SLC9A1: variants seen among roughly 807,000 people sequenced by gnomAD.
SLC9A1 encodes sodium/hydrogen exchanger 1.
Under a neutral mutation model 67.9 loss-of-function variants are expected in SLC9A1, and 22 were observed. The observed-to-expected ratio is 0.32, with a 90% confidence interval of 0.23 to 0.46. The LOEUF is 0.46. SLC9A1 is among the 20% of genes least tolerant of loss of function. The pLI is 1.00. For synonymous variants in SLC9A1, 421 were observed against 471.8 expected (o/e 0.89, Z 1.40); for missense variants, 686 against 1,094.8 (o/e 0.63, Z 5.27).
At position 27,154,473 on chromosome 1, in the gene SLC9A1, T is replaced by C. The variant is rs1202208453; in HGVS notation, c.-139A>G. On this transcript the variant is annotated 5_prime_UTR_variant, in exon 1 of 12. It removes an upstream start codon present in the reference 5' UTR. Transcript: ENST00000263980. ...TTCATGTTTTAGAGAGGCATTTCCA[T>C]GGAAGCAATTTTCTGGGGGTGGAGG... 1 of 541,154 alleles carries C rather than the reference T, an allele frequency of 1.8e-6. No homozygotes were observed. The allele number at this position is 541,154 out of a possible 1,614,324, so 33.5% of individuals were successfully genotyped here.
chr1:27,147,489 T>C (rs2083495994), intron 1 of SLC9A1, among the ~76,000 whole-genome samples: 1 of 150,708 alleles, frequency 6.6e-6, no homozygotes, highest in Non-Finnish European at 1.5e-5. Context: ...AGACTCCATC[T>C]CAAAAAAATA....
intron 1 of SLC9A1, among the ~76,000 whole-genome samples, chr1:27,131,947 A>AAAAAATATATATATAT: frequency 7.7e-5 from 4 of 52,120 alleles, no homozygotes; most frequent in African/African-American, 2.5e-4. Flanking sequence ...AGAAAAAAAA[A>AAAAAATATATATATAT]ATATATATAT....
intron 1 of SLC9A1, among the ~76,000 whole-genome samples, chr1:27,123,868 C>G (rs1031484698): frequency 1.2e-4 from 18 of 149,162 alleles, no homozygotes; most frequent in Admixed American, 2.0e-4. Flanking sequence ...GCACAGTCAC[C>G]CAGGCTGGAG....
intron 1 of SLC9A1, among the ~76,000 whole-genome samples, chr1:27,119,157 C>T (rs1279181742): frequency 2.0e-5 from 3 of 152,102 alleles, no homozygotes; most frequent in Non-Finnish European, 4.4e-5. Context: ...CTGCTCTGCA[C>T]CACAAGAATG....
intron 5 of SLC9A1, among the ~76,000 whole-genome samples, chr1:27,104,959 C>A (rs141752467): frequency 6.6e-6 from 1 of 152,154 alleles, no homozygotes; most frequent in Non-Finnish European, 1.5e-5. Context: ...GTCAGCTAAG[C>A]CTGAGCCGTT....
chr1:27,104,379 GCCTCTC>G (rs2124133958), intron 5 of SLC9A1, among the ~76,000 whole-genome samples: 1 of 152,100 alleles, frequency 6.6e-6, no homozygotes, highest in South Asian at 2.1e-4. Context: ...ACCGCGCCCA[GCCTCTC>G]TCCTTTTTCT....
At chr1:27,122,690 A>C (rs895391477) in intron 1 of SLC9A1, among the ~76,000 whole-genome samples, 3 of 152,148 alleles carry the variant, frequency 2.0e-5, no homozygotes, top group African/African-American at 7.2e-5. Context: ...ATACCACTCC[A>C]AGCTGGGGCA....
intron 6 of SLC9A1, 160 bp from the exon 7 acceptor site, chr1:27,102,903 A>C (rs1570843520): frequency 3.0e-6 from 2 of 672,228 alleles, no homozygotes; most frequent in Non-Finnish European, 5.2e-6. Flanking sequence ...CACTCATCGA[A>C]CCCAGCGGCC....
At position 27,109,656 on chromosome 1, in the gene SLC9A1, T is replaced by G; in HGVS notation, c.935A>C (p.Tyr312Ser). Residue 312 changes from tyrosine (Y) to serine (S), a missense_variant, in exon 3 of 12, where the codon TAC becomes TCC. Coordinates refer to ENST00000263980, the MANE Select transcript of SLC9A1 (RefSeq NM_003047.5). This position sits in a 1 kb window ranked among gnomAD's most constrained non-coding sequence, Gnocchi z 5.5. ...ALGGVLVGVV[Y>S]GVIAAFTSRF... ...GGAGGTGAAGGCTGCGATGACCCCG[T>G]AGACCACGCCCACAAGCACCCCGCC... is the stretch of plus-strand genomic sequence containing the variant. 1 of 1,613,636 alleles carries G rather than the reference T, an allele frequency of 6.2e-7. No homozygotes were observed. The highest frequency in any genetic ancestry group is 8.5e-7 in the Non-Finnish European group (1 of 1,179,934).
At chr1:27,113,305 A>T (rs1288363262) in intron 2 of SLC9A1, among the ~76,000 whole-genome samples, 1 of 152,068 alleles carries the variant, frequency 6.6e-6, no homozygotes, top group East Asian at 1.9e-4. Flanking sequence ...CAAAAAATTT[A>T]AAAAATTAGC....
chr1:27,136,871 G>T (rs756248631), intron 1 of SLC9A1, among the ~76,000 whole-genome samples: 3 of 152,170 alleles, frequency 2.0e-5, no homozygotes, highest in Non-Finnish European at 4.4e-5. Context: ...CCTAAACACA[G>T]GCCAGTCATG....
chr1:27,129,816 C>G (rs2083372934), intron 1 of SLC9A1, among the ~76,000 whole-genome samples: 1 of 152,136 alleles, frequency 6.6e-6, no homozygotes, highest in Admixed American at 6.6e-5. Flanking sequence ...TTGAGTGCCT[C>G]ACTTTGATGC....
At chr1:27,108,800 G>A (rs926168351) in intron 3 of SLC9A1, among the ~76,000 whole-genome samples, 59 of 152,154 alleles carry the variant, frequency 3.9e-4, no homozygotes, top group African/African-American at 1.4e-3. Flanking sequence ...TTGCCCCAAG[G>A]CCACACTGCC....
intron 5 of SLC9A1, among the ~76,000 whole-genome samples, chr1:27,104,689 C>T (rs1190120178): frequency 1.3e-5 from 2 of 152,154 alleles, no homozygotes; most frequent in Non-Finnish European, 1.5e-5. Context: ...GCACCAGGGT[C>T]CCCTCTCCCT....
intron 1 of SLC9A1, among the ~76,000 whole-genome samples, chr1:27,142,589 A>G (rs916396329): frequency 6.6e-6 from 1 of 152,102 alleles, no homozygotes; most frequent in African/African-American, 2.4e-5. Flanking sequence ...CTTCCCCACT[A>G]GCAGAGCCTC....
chr1:27,154,077 G>C lies in SLC9A1; in HGVS notation c.258C>G (p.Arg86=). 8 of 1,613,934 alleles carry C rather than the reference G, an allele frequency of 5.0e-6. No individual in the cohort carries two copies. Among genetic ancestry groups the C allele is most frequent in the East Asian group, 2.2e-5 (1 of 44,880 alleles). Residue 86 remains arginine (R), a synonymous_variant, in exon 1 of 12, where the codon CGC becomes CGG. Coordinates refer to ENST00000263980, the MANE Select transcript of SLC9A1 (RefSeq NM_003047.5). ...HSVTDHGMKP[R]KAFPVLGIDY... is the part of the protein sequence containing the mutation. Reference sequence around the variant, plus strand: ...CGATGCCCAGGACTGGAAAGGCCTTGCGCGGCTTCATGCCATGATCAGTGA... The same window carrying C: ...CGATGCCCAGGACTGGAAAGGCCTTCCGCGGCTTCATGCCATGATCAGTGA...
In SLC9A1 at chr1:27,102,303, C is replaced by T. The variant is rs116670694; in HGVS notation, c.1820+82G>A. 1,934 of 1,478,544 alleles carry T rather than the reference C, an allele frequency of 1.3e-3. 26 individuals are homozygous for T. In the African/African-American group the frequency reaches 0.023, roughly 18 times the overall value. The allele number at this position is 1,478,544 out of a possible 1,614,324, so 91.6% of individuals were successfully genotyped here. A position where few individuals can be genotyped will look rare whatever the true frequency, so the allele number is the denominator to read the frequency against. The stretch of plus-strand genomic sequence containing the variant: ...GCCCCAACAGGACAACAGAAGACCC[C>T]GCCCCCCAGGTGGCCACCTCCAACC... On this transcript the variant is annotated intron_variant, in intron 8 of 11. Coordinates refer to ENST00000263980, the MANE Select transcript of SLC9A1 (RefSeq NM_003047.5).
At chr1:27,144,442 G>C (rs2083469790) in intron 1 of SLC9A1, among the ~76,000 whole-genome samples, 1 of 152,206 alleles carries the variant, frequency 6.6e-6, no homozygotes, top group African/African-American at 2.4e-5. Context: ...AGGTGGCCAA[G>C]GCAGCACCAC....
At chr1:27,144,670 T>C (rs1052793213) in intron 1 of SLC9A1, among the ~76,000 whole-genome samples, 15 of 152,164 alleles carry the variant, frequency 9.9e-5, no homozygotes, top group African/African-American at 3.6e-4. Flanking sequence ...ATGTATTCCT[T>C]CCCCAAATAT....
Sources: gnomAD v4.1 joint callset for allele counts (sites outside exome capture counted in the v4.1 genomes callset) on GRCh38, gnomAD v4.1.1 for gene constraint, Gnocchi (gnomAD v3.1) non-coding constraint, MANE v1.5 for transcripts, NCBI Gene and HGNC (gene_info 2026-07-23, HGNC 2026-07-21) for gene names.